CEACAM16: variants seen among roughly 807,000 people sequenced by gnomAD.
CEACAM16 encodes CEA cell adhesion molecule 16, tectorial membrane component, also known as cell adhesion molecule CEACAM16.
A neutral mutation model predicts 39.4 loss-of-function variants in CEACAM16; 30 were observed. That is an observed-to-expected ratio of 0.76 (90% confidence interval 0.57 to 1.03). CEACAM16 has a LOEUF of 1.03. CEACAM16 is among the 50% of genes least tolerant of loss of function. The probability of loss-of-function intolerance (pLI) is 0.00; values close to 1 mark genes in which losing one functional copy is unlikely to be tolerated. For synonymous variants in CEACAM16, 262 were observed against 264.9 expected (o/e 0.99, Z 0.11); for missense variants, 521 against 585.3 (o/e 0.89, Z 1.13).
At chr19:44,708,688 T>C (rs972855122) in intron 6 of CEACAM16, among the ~76,000 whole-genome samples, 1 of 152,138 alleles carries the variant, frequency 6.6e-6, no homozygotes, top group Non-Finnish European at 1.5e-5. Flanking sequence ...GGATCATGTC[T>C]CCTCCTTTCT....
rs1974497526 is a variant in CEACAM16, at chr19:44,709,193, A to G, written c.1267+1006A>G. Among the ~76,000 whole-genome samples, 2 of 150,584 alleles carry G rather than the reference A, an allele frequency of 1.3e-5. 1 individual carries two copies. Among genetic ancestry groups the G allele is most frequent in the South Asian group, 4.2e-4 (2 of 4,734 alleles). ...CAGAGGCATGGTCCATGTCTCCTCC[A>G]TCAGACTGGGAGCTCCCGGAGTCAG... On this transcript the variant is annotated intron_variant, in intron 6 of 6. Transcript: ENST00000587331.
At chr19:44,708,573 G>C (rs999286917) in intron 6 of CEACAM16, among the ~76,000 whole-genome samples, 7 of 152,158 alleles carry the variant, frequency 4.6e-5, no homozygotes, top group South Asian at 2.1e-4. Flanking sequence ...GTCCATATTG[G>C]GGTAATGGGT....
At chr19:44,706,231 A>C (rs1370785238) in intron 5 of CEACAM16, among the ~76,000 whole-genome samples, 1 of 139,938 alleles carries the variant, frequency 7.1e-6, no homozygotes, top group Admixed American at 7.4e-5. Context: ...CTGTGCAGCC[A>C]ACTAGACTAC....
rs565604521 is a variant in CEACAM16, at chr19:44,699,164, G to A, written c.-193G>A. 2.2e-5 allele frequency: 11 copies of A among 506,604 alleles called. No homozygotes were observed. The highest frequency in any genetic ancestry group is 9.6e-5 in the African/African-American group (5 of 51,852). The allele number at this position is 506,604 out of a possible 1,614,324, so 31.4% of individuals were successfully genotyped here. A position where few individuals can be genotyped will look rare whatever the true frequency, so the allele number is the denominator to read the frequency against. On this transcript the variant is annotated 5_prime_UTR_variant, in exon 1 of 7. Coordinates refer to ENST00000587331, the MANE Select transcript of CEACAM16 (RefSeq NM_001039213.4). ...TCTTGTGCACGGCTGCATCCTCAGC[G>A]CCTAGAACAGCACCTGGCAAACAAT...
chr19:44,707,583 C>T (rs976918337), intron 5 of CEACAM16, among the ~76,000 whole-genome samples: 1 of 152,218 alleles, frequency 6.6e-6, no homozygotes, highest in Non-Finnish European at 1.5e-5. Context: ...ATGGAGGAGA[C>T]ATGACCCAAG....
At position 44,701,220 on chromosome 19, in the gene CEACAM16, G is replaced by A. The variant is rs1974339587; in HGVS notation, c.-96-141G>A. ...CAAAGAGGGTTAGGCGGCTGCCCCA[G>A]GAGGCCTGCCCAGGTCACGGCCTCT... On this transcript the variant is annotated intron_variant, in intron 1 of 6. Coordinates refer to ENST00000587331, the MANE Select transcript of CEACAM16 (RefSeq NM_001039213.4). The surrounding 1 kb of genome is among the most constrained non-coding windows in gnomAD (Gnocchi z 4.0). 2 of 608,998 alleles carry A rather than the reference G, an allele frequency of 3.3e-6. No individual in the cohort carries two copies. The highest frequency in any genetic ancestry group is 5.9e-6 in the Non-Finnish European group (2 of 341,470). 37.7% of individuals were successfully genotyped at this position (608,998 alleles called of 1,614,324 possible). A position where few individuals can be genotyped will look rare whatever the true frequency, so the allele number is the denominator to read the frequency against.
rs1250824771 is a variant in CEACAM16, at chr19:44,701,596, C to T, written c.37+103C>T. On this transcript the variant is annotated intron_variant, in intron 2 of 6. Transcript: ENST00000587331. This position sits in a 1 kb window ranked among gnomAD's most constrained non-coding sequence, Gnocchi z 4.0. ...AGGGAAGGTGTGAGCAGAAGTCCAGCGTGCTAGGGAGGGAGGGCAGCCCTG... is the reference window on the plus strand; with the variant it reads ...AGGGAAGGTGTGAGCAGAAGTCCAGTGTGCTAGGGAGGGAGGGCAGCCCTG... 5.2e-5 allele frequency: 60 copies of T among 1,164,078 alleles called. No homozygotes were observed. Among genetic ancestry groups the T allele is most frequent in the Non-Finnish European group, 7.3e-5 (59 of 806,374 alleles). The allele number at this position is 1,164,078 out of a possible 1,614,324, so 72.1% of individuals were successfully genotyped here.
At position 44,705,739 on chromosome 19, in the gene CEACAM16, C is replaced by T. The variant is rs747545104; in HGVS notation, c.811C>T (p.Leu271=). The T allele has an allele frequency of 2.7e-5, 43 of 1,614,062 alleles. No homozygotes were observed. The highest frequency in any genetic ancestry group is 3.6e-5 in the Non-Finnish European group (42 of 1,179,906). Residue 271 remains leucine, a synonymous_variant, in exon 5 of 7, where the codon CTA becomes TTA. Transcript: ENST00000587331. Reference sequence around the variant, plus strand: ...TGTGTGGACCTTCAACGGGCAGGCCCTAAAGAACGGCCAAGACCACCTCAA... The same window carrying T: ...TGTGTGGACCTTCAACGGGCAGGCCTTAAAGAACGGCCAAGACCACCTCAA... ...EYVWTFNGQA[L]KNGQDHLNIS...
Position 44,708,058 on chromosome 19 carries a change from G to C in CEACAM16, c.1138G>C (p.Glu380Gln). 6.2e-7 allele frequency: 1 copy of C among 1,612,788 alleles called. No homozygotes were observed. The highest frequency in any genetic ancestry group is 8.5e-7 in the Non-Finnish European group (1 of 1,179,626). The change falls in exon 6 of 7, where the codon GAG becomes CAG. Residue 380 changes from glutamate to glutamine, a missense_variant. Transcript: ENST00000587331. The stretch of plus-strand genomic sequence containing the variant: ...TGCAGGCCCCGCGCACACAGGCCGG[G>C]AGGTGGGCTTCCCCAACTGCTCGCT... The part of the protein sequence containing the change: ...WIAGPAHTGR[E>Q]VGFPNCSLLV...
At chr19:44,704,367 G>T in intron 4 of CEACAM16, 71 bp downstream of exon 4, 1 of 1,431,550 alleles carries the variant, frequency 7.0e-7, no homozygotes, top group South Asian at 1.5e-5. Context: ...GAGGCCAGGA[G>T]AGGGGGCCTA....
At chr19:44,705,541 ACTC>A in intron 4 of CEACAM16, 46 bp from the exon 5 acceptor site, 1 of 1,536,002 alleles carries the variant, frequency 6.5e-7, no homozygotes, top group East Asian at 2.3e-5. Flanking sequence ...ACCAACCTCC[ACTC>A]CTCCTTCCCT....
chr19:44,704,910 G>A (rs890460838), intron 4 of CEACAM16, among the ~76,000 whole-genome samples: 2 of 152,118 alleles, frequency 1.3e-5, no homozygotes, highest in African/African-American at 4.8e-5. Flanking sequence ...AGCAGGGGAG[G>A]GAATAGTGTA....
intron 6 of CEACAM16, 101 bp downstream of exon 6, chr19:44,708,288 A>G (rs1974484597): frequency 8.5e-7 from 1 of 1,170,580 alleles, no homozygotes; most frequent in Admixed American, 2.9e-5. Flanking sequence ...TAGACCAAAG[A>G]TGGATACCCA....
intron 4 of CEACAM16, among the ~76,000 whole-genome samples, 189 bp downstream of exon 4, chr19:44,704,485 C>T (rs952042827): frequency 1.2e-4 from 19 of 152,196 alleles, no homozygotes; most frequent in Admixed American, 1.0e-3. Context: ...AATCCCAGCA[C>T]TCTGGGGGGC....
Position 44,704,215 on chromosome 19 carries a change from G to A in CEACAM16, c.580G>A (p.Glu194Lys), listed in dbSNP as rs1474120448. 1 of 1,552,732 alleles carries A rather than the reference G, an allele frequency of 6.4e-7. No individual in the cohort carries two copies. The highest frequency in any genetic ancestry group is 8.7e-7 in the Non-Finnish European group (1 of 1,148,464). Residue 194 changes from glutamate to lysine, a missense_variant, in exon 4 of 7, where the codon GAG becomes AAG. Coordinates refer to ENST00000587331, the MANE Select transcript of CEACAM16 (RefSeq NM_001039213.4). ...RVLARHGIRR[E>K]EAGAYQCEVW... ...GCTGGCCAGGCATGGCATCCGCCGG[G>A]AGGAGGCCGGCGCCTATCAGTGTGA... is the stretch of plus-strand genomic sequence containing the variant.
intron 2 of CEACAM16, 132 bp from the exon 3 acceptor site, chr19:44,703,217 G>A: frequency 1.4e-6 from 1 of 728,586 alleles, no homozygotes; most frequent in South Asian, 2.2e-5. Flanking sequence ...TTCAAATCCT[G>A]GTTTTGCCTG....
rs1182476159 is a variant in CEACAM16, at chr19:44,701,008, A to G, written c.-96-353A>G. On this transcript the variant is annotated intron_variant, in intron 1 of 6. Coordinates refer to ENST00000587331, the MANE Select transcript of CEACAM16 (RefSeq NM_001039213.4). This position sits in a 1 kb window ranked among gnomAD's most constrained non-coding sequence, Gnocchi z 4.0. ...GAGACAACACCTGTAGGTCCCCTGC[A>G]CTGGGTGGGGCTGGGAAAGGTGCAG... Among the ~76,000 whole-genome samples, 3 of 152,204 alleles carry G rather than the reference A, an allele frequency of 2.0e-5. No individual in the cohort carries two copies. Among genetic ancestry groups the G allele is most frequent in the African/African-American group, 7.2e-5 (3 of 41,462 alleles).
chr19:44,708,656 A>T (rs757565156), intron 6 of CEACAM16, among the ~76,000 whole-genome samples: 16 of 152,172 alleles, frequency 1.1e-4, no homozygotes, highest in Non-Finnish European at 1.9e-4. Context: ...CCCTATTCAG[A>T]CTGGGAGATC....
Position 44,707,919 on chromosome 19 carries a change from C to A in CEACAM16, c.999C>A (p.Asp333Glu), listed in dbSNP as rs200767877. ...PVPTKPTEGQ[D>E]VTLTVQGYPK... is the part of the protein sequence containing the mutation. ...CCACCAAGCCAACGGAGGGCCAGGA[C>A]GTAACACTGACCGTGCAGGGCTACC... The change falls in exon 6 of 7, where the codon GAC (aspartate) becomes GAA (glutamate). Residue 333 changes from aspartate to glutamate, a missense_variant. Asp to Glu is a conservative substitution (Grantham distance 45). Transcript: ENST00000587331. The A allele has an allele frequency of 5.0e-6, 8 of 1,586,872 alleles. No individual in the cohort carries two copies. Among genetic ancestry groups the A allele is most frequent in the Non-Finnish European group, 8.6e-7 (1 of 1,160,614 alleles).
Sources: gnomAD v4.1 joint callset for allele counts (sites outside exome capture counted in the v4.1 genomes callset) on GRCh38, gnomAD v4.1.1 for gene constraint, Gnocchi (gnomAD v3.1) non-coding constraint, MANE v1.5 for transcripts, NCBI Gene and HGNC (gene_info 2026-07-23, HGNC 2026-07-21) for gene names.